NEB: variants seen among roughly 807,000 people sequenced by gnomAD.
NEB encodes the protein nemaline myopathy type 2.
A neutral mutation model predicts 952.2 loss-of-function variants in NEB; 512 were observed. The ratio of observed to expected loss-of-function variants is 0.54; its 90% confidence interval spans 0.50 to 0.58. NEB has a LOEUF of 0.58. NEB is among the 20% of genes least tolerant of loss of function. NEB has a pLI of 0.00. For missense variants in NEB, 8,428 were observed against 9,231.1 expected (o/e 0.91, Z 3.56); for synonymous variants, 2,900 against 3,149.8 (o/e 0.92, Z 2.66).
intron 48 of NEB, 80 bp from the exon 49 acceptor site, chr2:151,656,544 T>A: frequency 6.7e-6 from 5 of 746,066 alleles, no homozygotes; most frequent in Non-Finnish European, 9.4e-6. Flanking sequence ...CTATATTATT[T>A]TTGTATAATT....
In NEB at chr2:151,688,384, C is replaced by A. The variant is rs1228534505; in HGVS notation, c.2323G>T (p.Ala775Ser). 1.9e-6 allele frequency: 3 copies of A among 1,613,480 alleles called. No individual in the cohort carries two copies. The highest frequency in any genetic ancestry group is 2.5e-6 in the Non-Finnish European group (3 of 1,179,580). Residue 775 changes from alanine (A) to serine (S), a missense_variant, in exon 25 of 182, where the codon GCA becomes TCA. Ala to Ser is a moderately conservative substitution (Grantham distance 99). Transcript: ENST00000397345. ...TKQLSDLNYK[A>S]KHEGEKFKCH... is the part of the protein sequence containing the mutation. ...TTGAACTTCTCACCTTCATGTTTTG[C>A]TTTGTAATTCAGCTGAAAAACAAAG...
In NEB at chr2:151,633,708, C is replaced by T. The variant is rs749865900; in HGVS notation, c.9360G>A (p.Leu3120=). 8.8e-5 allele frequency: 142 copies of T among 1,613,868 alleles called. No individual in the cohort carries two copies. The highest frequency in any genetic ancestry group is 1.1e-4 in the Non-Finnish European group (132 of 1,179,880). The change falls in exon 65 of 182, where the codon CTG becomes CTA. Residue 3120 remains leucine, a synonymous_variant. Coordinates refer to ENST00000397345, the MANE Select transcript of NEB (RefSeq NM_001164508.2). Reference sequence around the variant, plus strand: ...CATGGATGACATCGCTCTGGTCAGGCAGGCATGTCCACTCGTGCAGGTAGT... The same window carrying T: ...CATGGATGACATCGCTCTGGTCAGGTAGGCATGTCCACTCGTGCAGGTAGT... The part of the protein sequence containing the change: ...YKNYLHEWTC[L]PDQSDVIHAR...
Position 151,531,091 on chromosome 2 carries a change from T to A in NEB, c.21533A>T (p.Lys7178Ile). ...VNKQISDILYKLEYNKAKPRG... is the reference protein window; with the variant it reads ...VNKQISDILYILEYNKAKPRG... Reference sequence around the variant, plus strand: ...GGGTTTGGCCTTGTTGTATTCCAATTTATAAAGGATCTGAAAGATCAAAAA... The same window carrying A: ...GGGTTTGGCCTTGTTGTATTCCAATATATAAAGGATCTGAAAGATCAAAAA... Residue 7178 changes from lysine to isoleucine, a missense_variant, in exon 145 of 182, where the codon AAA (lysine) becomes ATA (isoleucine). By Grantham distance (102) the Lys-to-Ile change is moderately radical. Transcript: ENST00000397345. 6.2e-7 allele frequency: 1 copy of A among 1,605,198 alleles called. No individual in the cohort carries two copies. The highest frequency in any genetic ancestry group is 1.7e-5 in the Admixed American group (1 of 59,762).
chr2:151,546,084 G>T, intron 134 of NEB, 86 bp from the exon 135 acceptor site: 3 of 949,692 alleles, frequency 3.2e-6, no homozygotes, highest in Non-Finnish European at 4.8e-6. Flanking sequence ...TGTCTGGCAT[G>T]TGTAAGCTGA....
Position 151,549,659 on chromosome 2 carries a change from C to T in NEB, c.20026G>A (p.Asp6676Asn), listed in dbSNP as rs1007942173. ...GDTPHFKHIK[D>N]TRYMSSYFKY... is the part of the protein sequence containing the mutation. ...ACATAACTGCTCATGTAACGGGTGT[C>T]CTTGATGTGTTTGAAGTGAGGAGTG... The change falls in exon 130 of 182, where the codon GAC (aspartate) becomes AAC (asparagine). Residue 6676 changes from aspartate (D) to asparagine (N), a missense_variant. By Grantham distance (23) the Asp-to-Asn change is conservative. Coordinates refer to ENST00000397345, the MANE Select transcript of NEB (RefSeq NM_001164508.2). 2.5e-6 allele frequency: 4 copies of T among 1,600,108 alleles called. No individual in the cohort carries two copies. Among genetic ancestry groups the T allele is most frequent in the Non-Finnish European group, 3.4e-6 (4 of 1,172,816 alleles).
At chr2:151,494,638 T>G (rs566889654) in intron 173 of NEB, among the ~76,000 whole-genome samples, 78 of 152,226 alleles carry the variant, frequency 5.1e-4, no homozygotes, top group African/African-American at 1.2e-3. Flanking sequence ...TGTTTGTTTT[T>G]TTTTGTTTTG....
At chr2:151,531,308 CTTTTTTTTTTTTTTTTT>C (rs1159075000) in intron 144 of NEB, among the ~76,000 whole-genome samples, 2 of 84,010 alleles carry the variant, frequency 2.4e-5, no homozygotes, top group South Asian at 4.4e-4. Flanking sequence ...TTTTTTCTTT[CTTTTTTTTTTTTTTTTT>C]TTTTTTTTTG....
At chr2:151,502,987 T>G in intron 166 of NEB, 102 bp from the exon 167 acceptor site, 1 of 681,382 alleles carries the variant, frequency 1.5e-6, no homozygotes, top group East Asian at 2.7e-5. Context: ...AGGCAGTTTT[T>G]TAGTAAGTAA....
rs1313143934 is a variant in NEB at position 151,610,874 on chromosome 2, G to A, written c.11806-8C>T. 1 of 1,561,050 alleles carries A rather than the reference G, an allele frequency of 6.4e-7. No homozygotes were observed. The stretch of plus-strand genomic sequence containing the variant: ...AGCTTCTGTGTATAAATGCTACAGG[G>A]CAGGGCGGCATGGGGCATGGGGAGA... On this transcript the variant is annotated splice_region_variant and splice_polypyrimidine_tract_variant and intron_variant, in intron 78 of 181. Transcript: ENST00000397345.
chr2:151,497,622 G>T lies in NEB; in HGVS notation c.24300+4C>A. 1 of 1,567,166 alleles carries T rather than the reference G, an allele frequency of 6.4e-7. No individual in the cohort carries two copies. The highest frequency in any genetic ancestry group is 1.7e-4 in the Middle Eastern group (1 of 6,002). Reference sequence around the variant, plus strand: ...GTAGTTTTTTTCTTTTCTTGCCAAAGTACCGAGCTAATATTTTCTTGATTG... The same window carrying T: ...GTAGTTTTTTTCTTTTCTTGCCAAATTACCGAGCTAATATTTTCTTGATTG... On this transcript the variant is annotated splice_donor_region_variant and intron_variant, in intron 171 of 181. Transcript: ENST00000397345.
intron 20 of NEB, 122 bp from the exon 21 acceptor site, chr2:151,692,484 A>G (rs1482573786): frequency 1.3e-6 from 1 of 781,080 alleles, no homozygotes; most frequent in Non-Finnish European, 2.2e-6. Flanking sequence ...CTCACCATCA[A>G]TTTTCCACAA....
At chr2:151,664,928 G>T in intron 42 of NEB, 65 bp from the exon 43 acceptor site, 1 of 1,179,566 alleles carries the variant, frequency 8.5e-7, no homozygotes. Context: ...GCTAGCAAGA[G>T]GAAGAGATTT....
chr2:151,733,323 G>T, intron 2 of NEB, 138 bp from the exon 3 acceptor site: 1 of 625,320 alleles, frequency 1.6e-6, no homozygotes, highest in Non-Finnish European at 2.7e-6. Context: ...AAGGAGAGAA[G>T]ACATTTAAAA....
chr2:151,660,902 G>C (rs1318409138), intron 46 of NEB, among the ~76,000 whole-genome samples: 2 of 152,190 alleles, frequency 1.3e-5, no homozygotes, highest in Non-Finnish European at 2.9e-5. Context: ...TTGAGTACTT[G>C]AAATGTAGCT....
intron 179 of NEB, 61 bp downstream of exon 179, chr2:151,491,622 C>T (rs905094273): frequency 7.5e-7 from 1 of 1,341,226 alleles, no homozygotes; most frequent in African/African-American, 1.5e-5. Context: ...AAATGAAAGT[C>T]ATTGACTCTA....
Position 151,637,220 on chromosome 2 carries a change from T to C in NEB, c.8995-886A>G, listed in dbSNP as rs75908937. Among the ~76,000 whole-genome samples, 488 of 152,326 alleles carry C rather than the reference T, an allele frequency of 3.2e-3. 6 individuals are homozygous for C. Among genetic ancestry groups the C allele is most frequent in the African/African-American group, 0.011 (447 of 41,570 alleles). The stretch of plus-strand genomic sequence containing the variant: ...AGCTCCAGGAAGGAGTCATTTATTC[T>C]GAACTGAGAATCAGGGAAGTTCTTG... On this transcript the variant is annotated intron_variant, in intron 63 of 181. Coordinates refer to ENST00000397345, the MANE Select transcript of NEB (RefSeq NM_001164508.2).
intron 64 of NEB, among the ~76,000 whole-genome samples, chr2:151,635,912 T>G (rs981484366): frequency 6.6e-6 from 1 of 152,190 alleles, no homozygotes; most frequent in African/African-American, 2.4e-5. Context: ...TATAAGCTTT[T>G]CTATAAGCCG....
At position 151,493,879 on chromosome 2, in the gene NEB, A is replaced by AAAGTC; in HGVS notation, c.24580-17_24580-13dup. ...TCTTTGTATAACACCTGTGAGATACAAAGTCATGCCCGAAAGTCACTACGA... is the reference window on the plus strand; with the variant it reads ...TCTTTGTATAACACCTGTGAGATACAAAGTCAAGTCATGCCCGAAAGTCACTACGA... On this transcript the variant is annotated splice_polypyrimidine_tract_variant and intron_variant, in intron 174 of 181. Transcript: ENST00000397345. 6.7e-7 allele frequency: 1 copy of AAAGTC among 1,500,448 alleles called. No individual in the cohort carries two copies. The highest frequency in any genetic ancestry group is 9.0e-7 in the Non-Finnish European group (1 of 1,110,988). The allele number at this position is 1,500,448 out of a possible 1,614,324, so 92.9% of individuals were successfully genotyped here. A position where few individuals can be genotyped will look rare whatever the true frequency, so the allele number is the denominator to read the frequency against.
rs781581005 is a variant in NEB at position 151,499,298 on chromosome 2, C to A, written c.24114G>T (p.Ser8038=). The A allele has an allele frequency of 3.5e-6, 5 of 1,448,384 alleles. No homozygotes were observed. In the African/African-American group the frequency reaches 4.3e-5, roughly 12 times the overall value. The allele number at this position is 1,448,384 out of a possible 1,614,324, so 89.7% of individuals were successfully genotyped here. Residue 8038 remains serine, a splice_region_variant and synonymous_variant, in exon 169 of 182, where the codon TCG becomes TCT. Transcript: ENST00000397345. The part of the protein sequence containing the change: ...RVKHNQENFS[S]VLYKENLGTG... Reference sequence around the variant, plus strand: ...AAAGGGATTTTTTATTTTTAAATACCGAACTAAAGTTTTCTTGATTGTGTT... The same window carrying A: ...AAAGGGATTTTTTATTTTTAAATACAGAACTAAAGTTTTCTTGATTGTGTT...
Sources: allele counts gnomAD v4.1 joint callset (sites outside exome capture counted in the v4.1 genomes callset), GRCh38; gene constraint gnomAD v4.1.1; transcripts MANE v1.5; gene names NCBI Gene and HGNC (gene_info 2026-07-23, HGNC 2026-07-21).